Variants in CCND3 observed in about 807,000 individuals in gnomAD.
CCND3 encodes the protein G1/S-specific cyclin-D3.
A neutral mutation model predicts 28.7 loss-of-function variants in CCND3; 9 were observed. The ratio of observed to expected loss-of-function variants is 0.31; its 90% CI spans 0.19 to 0.55. CCND3 has a LOEUF of 0.55. CCND3 is among the 20% of genes least tolerant of loss of function. The pLI is 0.93. For synonymous variants in CCND3, 164 were observed against 163.9 expected (o/e 1.00, Z 0.00); for missense variants, 315 against 385.8 (o/e 0.82, Z 1.54).
At chr6:42,028,282 CTG>C (rs1763940333) in intron 1 of CCND3, among the ~76,000 whole-genome samples, 1 of 152,216 alleles carries the variant, frequency 6.6e-6, no homozygotes, top group Middle Eastern at 3.4e-3. Flanking sequence ...GGAGAGGAAA[CTG>C]TGGCCATAAA....
At chr6:41,951,303 C>T (rs1776305737) in intron 1 of CCND3, among the ~76,000 whole-genome samples, 1 of 151,510 alleles carries the variant, frequency 6.6e-6, no homozygotes, top group African/African-American at 2.4e-5. Flanking sequence ...CGCCTGTAAT[C>T]CCAGCACTTT....
intron 1 of CCND3, among the ~76,000 whole-genome samples, chr6:41,948,856 A>G (rs1245858353): frequency 6.6e-6 from 1 of 151,914 alleles, no homozygotes; most frequent in East Asian, 1.9e-4. Context: ...AAAAAAAAAA[A>G]AAAGAAAAAA....
intron 1 of CCND3, among the ~76,000 whole-genome samples, chr6:41,951,741 A>G (rs1776324598): frequency 6.6e-6 from 1 of 151,646 alleles, no homozygotes; most frequent in Non-Finnish European, 1.5e-5. Context: ...AGTAATAATA[A>G]TAGATCCCAC....
At chr6:42,000,564 C>CCTTT (rs1762974044) in intron 1 of CCND3, among the ~76,000 whole-genome samples, 1 of 85,516 alleles carries the variant, frequency 1.2e-5, no homozygotes, top group Non-Finnish European at 2.0e-5. Flanking sequence ...TGAAACGAAT[C>CCTTT]TTTTTTTTTT....
intron 1 of CCND3, among the ~76,000 whole-genome samples, chr6:41,947,835 T>C (rs1187699915): frequency 1.3e-5 from 2 of 152,142 alleles, no homozygotes; most frequent in African/African-American, 2.4e-5. Context: ...CGGGTCTCCC[T>C]GACCCACCCT....
rs759984779 is a variant in CCND3 at position 41,972,240 on chromosome 6, A to AAAAAGAAAAGAAAAGAAAAG, written c.-45-31675_-45-31656dup. 4.9e-3 allele frequency among the ~76,000 whole-genome samples: 491 copies of AAAAAGAAAAGAAAAGAAAAG among 99,730 alleles called. 5 individuals carry two copies. The highest frequency in any genetic ancestry group is 8.6e-3 in the South Asian group (24 of 2,788). 65.4% of individuals were successfully genotyped at this position (99,730 alleles called of 152,430 possible). A position where few individuals can be genotyped will look rare whatever the true frequency, so the allele number is the denominator to read the frequency against. ...GAGACTCCATCTCAAAAAAAAAAAA[A>AAAAAGAAAAGAAAAGAAAAG]AAAAGAAAAGAAAAGAAAAGAGATA... On this transcript the variant is annotated intron_variant, in intron 1 of 4. Coordinates refer to the CCND3 transcript ENST00000372988.
chr6:41,955,329 T>C (rs1001340537), intron 1 of CCND3, among the ~76,000 whole-genome samples: 29 of 151,890 alleles, frequency 1.9e-4, no homozygotes, highest in African/African-American at 6.1e-4. Flanking sequence ...TTCCAGCCAA[T>C]ATGTAAAAAG....
At chr6:41,940,643 G>C in intron 1 of CCND3, 58 bp from the exon 2 acceptor site, 1 of 1,225,464 alleles carries the variant, frequency 8.2e-7, no homozygotes, top group Non-Finnish European at 1.2e-6. Flanking sequence ...CAGCAGCGGG[G>C]GGGTGGGAGC....
chr6:41,985,456 G>A (rs1051056550), intron 1 of CCND3, among the ~76,000 whole-genome samples: 47 of 151,872 alleles, frequency 3.1e-4, no homozygotes, highest in Admixed American at 6.6e-5. Flanking sequence ...TGGAATTACA[G>A]GTGTCCACCA....
intron 1 of CCND3, among the ~76,000 whole-genome samples, chr6:42,037,262 G>T (rs568635004): frequency 6.8e-6 from 1 of 146,876 alleles, no homozygotes; most frequent in Non-Finnish European, 1.5e-5. Context: ...TTTTTAAGAC[G>T]GAGTCTCGCT....
intron 1 of CCND3, among the ~76,000 whole-genome samples, chr6:42,002,260 A>C (rs1763033565): frequency 6.6e-6 from 1 of 151,656 alleles, no homozygotes; most frequent in Non-Finnish European, 1.5e-5. Flanking sequence ...AGCCTGGCCA[A>C]CATAGTAAAA....
rs1240943776 is a variant in CCND3, at chr6:41,979,611, ATCTC to A, written c.-45-39030_-45-39027del. Among the ~76,000 whole-genome samples, 12 of 59,254 alleles carry A rather than the reference ATCTC, an allele frequency of 2.0e-4. No homozygotes were observed. In the South Asian group the frequency reaches 2.4e-3, roughly 12 times the overall value. The allele number at this position is 59,254 out of a possible 152,430, so 38.9% of individuals were successfully genotyped here. A position where few individuals can be genotyped will look rare whatever the true frequency, so the allele number is the denominator to read the frequency against. On this transcript the variant is annotated intron_variant, in intron 1 of 4. Coordinates refer to the CCND3 transcript ENST00000372988. ...CCTTCCATTGTCAGACAAGGAAAAA[ATCTC>A]TCTCTGTCTCTCTCTCTCTCTCTCT...
At chr6:42,047,624 C>T (rs1764585410) in intron 1 of CCND3, among the ~76,000 whole-genome samples, 1 of 152,128 alleles carries the variant, frequency 6.6e-6, no homozygotes, top group African/African-American at 2.4e-5. Context: ...GGGACCCAGC[C>T]CAGAAAACTG....
chr6:41,936,412 G>T lies in CCND3; in HGVS notation c.711+147C>A. 3 of 946,594 alleles carry T rather than the reference G, an allele frequency of 3.2e-6. No homozygotes were observed. The highest frequency in any genetic ancestry group is 4.8e-6 in the Non-Finnish European group (3 of 626,152). The allele number at this position is 946,594 out of a possible 1,614,324, so 58.6% of individuals were successfully genotyped here. A position where few individuals can be genotyped will look rare whatever the true frequency, so the allele number is the denominator to read the frequency against. ...GATACTTGCTCTTCCCCAGACCAAG[G>T]CAGGAGATAAAAAGCCACAAAGCCC... On this transcript the variant is annotated intron_variant, in intron 4 of 4. Transcript: ENST00000372991. The surrounding 1 kb of genome is among the most constrained non-coding windows in gnomAD (Gnocchi z 4.4).
intron 1 of CCND3, among the ~76,000 whole-genome samples, chr6:41,947,537 T>G (rs1382720778): frequency 6.6e-6 from 1 of 152,216 alleles, no homozygotes; most frequent in Admixed American, 6.5e-5. Context: ...CTCCTCTTTC[T>G]CAAATCCCAC....
At chr6:41,994,413 A>G (rs1762737876) in intron 1 of CCND3, among the ~76,000 whole-genome samples, 1 of 152,150 alleles carries the variant, frequency 6.6e-6, no homozygotes, top group South Asian at 2.1e-4. Flanking sequence ...GACATTCTGG[A>G]AAAGGCCAAA....
intron 1 of CCND3, chr6:41,940,824 C>G: frequency 9.7e-7 from 1 of 1,027,690 alleles, no homozygotes; most frequent in Non-Finnish European, 1.5e-6. Flanking sequence ...GCCAAGGAGC[C>G]CTTGCTCACG....
intron 1 of CCND3, among the ~76,000 whole-genome samples, chr6:42,038,568 G>A (rs967523382): frequency 6.7e-6 from 1 of 150,122 alleles, no homozygotes; most frequent in African/African-American, 2.4e-5. Context: ...GCAAGAAGAG[G>A]GCATATCAAA....
intron 1 of CCND3, among the ~76,000 whole-genome samples, chr6:41,988,198 C>A (rs9367120): frequency 6.6e-6 from 1 of 151,662 alleles, no homozygotes; most frequent in Admixed American, 6.6e-5. Flanking sequence ...CCCAGCTACT[C>A]GGGAGGCTGA....
Sources: allele counts gnomAD v4.1 joint callset (sites outside exome capture counted in the v4.1 genomes callset), GRCh38; gene constraint gnomAD v4.1.1; non-coding constraint Gnocchi (gnomAD v3.1); transcripts MANE v1.5; gene names NCBI Gene and HGNC (gene_info 2026-07-23, HGNC 2026-07-21).